Variants in CCT4 observed in about 807,000 individuals in gnomAD.
CCT4 encodes chaperonin containing TCP1 subunit 4.
A neutral mutation model predicts 62.5 loss-of-function variants in CCT4; 17 were observed. The observed-to-expected ratio is 0.27, with a 90% CI of 0.19 to 0.41. The LOEUF is 0.41. Ranked by LOEUF, CCT4 falls within the 10% of genes least tolerant of loss-of-function variation. The pLI is 1.00. For synonymous variants in CCT4, 250 were observed against 229.9 expected, an observed-to-expected ratio of 1.09 and a Z score of -0.79; for missense variants, 592 against 659.2, an observed-to-expected ratio of 0.90 and a Z score of 1.12.
At chr2:61,883,775 C>CAG (rs71409300) in intron 2 of CCT4, among the ~76,000 whole-genome samples, 5,295 of 47,408 alleles carry the variant, frequency 0.11, 132 homozygotes, top group Middle Eastern at 0.26. Context: ...GAAATGTAGA[C>CAG]ACACACACAC....
At chr2:61,880,429 G>T in intron 3 of CCT4, 35 bp from the exon 4 acceptor site, 1 of 1,166,146 alleles carries the variant, frequency 8.6e-7, no homozygotes. Flanking sequence ...TGCTCAATGA[G>T]AAATGACAGA....
chr2:61,874,480 C>T (rs1287825533), intron 8 of CCT4, among the ~76,000 whole-genome samples: 5 of 151,882 alleles, frequency 3.3e-5, no homozygotes, highest in South Asian at 2.1e-4. Flanking sequence ...CGTGGTGGCA[C>T]GTGACTGTAA....
At chr2:61,887,737 C>T (rs1273141924) in intron 1 of CCT4, among the ~76,000 whole-genome samples, 1 of 152,178 alleles carries the variant, frequency 6.6e-6, no homozygotes, top group Non-Finnish European at 1.5e-5. Flanking sequence ...TCTGGTCTTC[C>T]TGATTTCCAA....
At chr2:61,883,588 C>A in intron 2 of CCT4, 40 bp from the exon 3 acceptor site, 1 of 947,100 alleles carries the variant, frequency 1.1e-6, no homozygotes, top group East Asian at 2.5e-5. Context: ...AATGTCACAC[C>A]TTAATAGTTT....
intron 13 of CCT4, among the ~76,000 whole-genome samples, chr2:61,869,017 C>G (rs749914998): frequency 7.2e-5 from 11 of 151,938 alleles, no homozygotes; most frequent in Admixed American, 3.3e-4. Context: ...TGCCTGTAAT[C>G]CCAGCTACTT....
intron 13 of CCT4, 51 bp from the exon 14 acceptor site, chr2:61,868,757 A>G (rs772930866): frequency 8.1e-6 from 11 of 1,356,732 alleles, no homozygotes; most frequent in Non-Finnish European, 1.2e-5. Context: ...AGAATTTTAA[A>G]GCTGGAAAAT....
chr2:61,875,612 T>A (rs900783387), intron 8 of CCT4, among the ~76,000 whole-genome samples: 4 of 150,632 alleles, frequency 2.7e-5, no homozygotes, highest in Non-Finnish European at 5.9e-5. Flanking sequence ...TTAAAAAAAA[T>A]TGCTATTAGA....
chr2:61,884,635 ATTTT>A (rs565889248), intron 2 of CCT4, among the ~76,000 whole-genome samples: 4 of 142,484 alleles, frequency 2.8e-5, no homozygotes, highest in Non-Finnish European at 6.1e-5. Flanking sequence ...TATTTTATTT[ATTTT>A]TTTTTTGAGA....
intron 2 of CCT4, among the ~76,000 whole-genome samples, chr2:61,883,793 C>T (rs1379708482): frequency 6.6e-6 from 1 of 151,220 alleles, no homozygotes; most frequent in African/African-American, 2.4e-5. Context: ...CACACACACA[C>T]ACACACACAC....
At position 61,868,678 on chromosome 2, in the gene CCT4, G is replaced by A. The variant is rs1211858531; in HGVS notation, c.*14C>T. ...AATACTGGTGATCATAATGGTGCTA[G>A]TCAGTTATCCAGATTATCGAGTGTT... is the stretch of plus-strand genomic sequence containing the variant. On this transcript the variant is annotated 3_prime_UTR_variant, in exon 14 of 14. Transcript: ENST00000394440. 1 of 1,580,464 alleles carries A rather than the reference G, an allele frequency of 6.3e-7. No individual in the cohort carries two copies. The highest frequency in any genetic ancestry group is 8.7e-7 in the Non-Finnish European group (1 of 1,149,690).
intron 12 of CCT4, among the ~76,000 whole-genome samples, chr2:61,871,412 C>T (rs573959730): frequency 6.6e-6 from 1 of 152,232 alleles, no homozygotes; most frequent in African/African-American, 2.4e-5. Flanking sequence ...CCCAGCTCTA[C>T]ACAGGTGAAG....
chr2:61,875,973 G>C (rs1668989014), intron 8 of CCT4, 122 bp downstream of exon 8: 1 of 584,464 alleles, frequency 1.7e-6, no homozygotes, highest in African/African-American at 1.9e-5. Flanking sequence ...CCTAAGAGTT[G>C]TCTGTTAAGA....
intron 12 of CCT4, among the ~76,000 whole-genome samples, chr2:61,871,197 A>C (rs528110188): frequency 7.2e-5 from 11 of 151,750 alleles, no homozygotes; most frequent in Admixed American, 6.6e-4. Context: ...TCGCCTGGCT[A>C]ATTTTTTTTT....
rs573492073 is a variant in CCT4, at chr2:61,877,093, G to A, written c.645-41C>T. 54 of 1,562,632 alleles carry A rather than the reference G, an allele frequency of 3.5e-5. 1 individual carries two copies. In the South Asian group the frequency reaches 5.3e-4, roughly 15 times the overall value. ...AACAAAGAGGGGTAGTTAAGAGGGA[G>A]TGGACATCTGTACGTTTAATAGATG... On this transcript the variant is annotated intron_variant, in intron 6 of 13. Coordinates refer to ENST00000394440, the MANE Select transcript of CCT4 (RefSeq NM_006430.4).
chr2:61,871,182 C>T (rs949617659), intron 12 of CCT4, among the ~76,000 whole-genome samples: 1 of 152,004 alleles, frequency 6.6e-6, no homozygotes, highest in Non-Finnish European at 1.5e-5. Context: ...CAGATATCCG[C>T]CACTTCGCCT....
intron 13 of CCT4, 152 bp downstream of exon 13, chr2:61,869,288 A>C (rs1668835766): frequency 1.7e-6 from 1 of 582,860 alleles, no homozygotes; most frequent in South Asian, 2.1e-5. Context: ...GTGAGCCGAG[A>C]CTGTGCTACT....
intron 12 of CCT4, among the ~76,000 whole-genome samples, 199 bp downstream of exon 12, chr2:61,871,883 G>T (rs953415708): frequency 6.6e-6 from 1 of 152,136 alleles, no homozygotes; most frequent in Non-Finnish European, 1.5e-5. Context: ...CAGATTTAAT[G>T]AACAAATAAT....
chr2:61,881,491 C>T (rs1022533278), intron 3 of CCT4, among the ~76,000 whole-genome samples: 2 of 152,026 alleles, frequency 1.3e-5, no homozygotes, highest in African/African-American at 4.8e-5. Context: ...TGTTTTTAAT[C>T]TCCTTATTCC....
At chr2:61,872,676 C>G (rs1480224627) in intron 10 of CCT4, 88 bp from the exon 11 acceptor site, 2 of 1,381,420 alleles carry the variant, frequency 1.4e-6, no homozygotes, top group African/African-American at 2.9e-5. Flanking sequence ...GCCTGTAAAC[C>G]CAACACTTTG....
Sources: gnomAD v4.1 joint callset for allele counts (sites outside exome capture counted in the v4.1 genomes callset) on GRCh38, gnomAD v4.1.1 for gene constraint, MANE v1.5 for transcripts, NCBI Gene and HGNC (gene_info 2026-07-23, HGNC 2026-07-21) for gene names.